SOX5: variants seen among roughly 807,000 people sequenced by gnomAD.
SOX5 encodes transcription factor SOX-5.
In SOX5, 9 loss-of-function variants were observed where a neutral mutation model predicts 92.0. That is an observed-to-expected ratio of 0.10 (90% confidence interval 0.06 to 0.17). The LOEUF (loss-of-function observed/expected upper bound fraction) is 0.17, where lower values mean the gene tolerates loss of function less well. Among genes scored for constraint, SOX5 ranks in the 10% least tolerant of loss-of-function variants. The pLI, the probability that SOX5 is intolerant of heterozygous loss-of-function variation, is 1.00. For synonymous variants in SOX5, 344 were observed against 336.3 expected, an observed-to-expected ratio of 1.02 and a Z score of -0.25; for missense variants, 642 against 944.5, an observed-to-expected ratio of 0.68 and a Z score of 4.20.
intron 3 of SOX5, among the ~76,000 whole-genome samples, chr12:23,807,926 G>A (rs999878136): frequency 6.6e-6 from 1 of 152,072 alleles, no homozygotes; most frequent in Admixed American, 6.6e-5. Flanking sequence ...GGGATTACAG[G>A]TGCAAGCCAC....
chr12:23,649,107 A>C (rs553759419), intron 7 of SOX5, among the ~76,000 whole-genome samples: 5 of 152,256 alleles, frequency 3.3e-5, no homozygotes, highest in African/African-American at 1.2e-4. Context: ...GTGAATACAA[A>C]TAAAATACCT....
intron 1 of SOX5, among the ~76,000 whole-genome samples, chr12:23,916,900 AAACT>A (rs1568955882): frequency 6.6e-6 from 1 of 152,228 alleles, no homozygotes; most frequent in Non-Finnish European, 1.5e-5. Flanking sequence ...ATCTAAAAAA[AAACT>A]AACCGTTAAA....
chr12:23,925,164 C>A (rs1250361034), intron 1 of SOX5, among the ~76,000 whole-genome samples: 1 of 152,016 alleles, frequency 6.6e-6, no homozygotes, highest in Non-Finnish European at 1.5e-5. Flanking sequence ...ACAATTATGA[C>A]CTCATAAATC....
intron 11 of SOX5, among the ~76,000 whole-genome samples, chr12:23,546,796 G>C (rs1943224903): frequency 6.6e-6 from 1 of 152,178 alleles, no homozygotes. Context: ...AAGTATAGGA[G>C]TGGCGTGAAG....
chr12:24,082,295 G>A (rs1943434122), intron 4 of SOX5, among the ~76,000 whole-genome samples: 1 of 149,776 alleles, frequency 6.7e-6, no homozygotes, highest in Non-Finnish European at 1.5e-5. Flanking sequence ...CCATGTCTGT[G>A]CCCCACAAGC....
intron 1 of SOX5, among the ~76,000 whole-genome samples, chr12:24,545,618 G>A (rs1226462199): frequency 1.3e-5 from 2 of 152,158 alleles, no homozygotes; most frequent in Admixed American, 6.5e-5. Flanking sequence ...TTTGGCATCC[G>A]CATTTTAATA....
At chr12:24,383,659 G>C (rs549609891) in intron 1 of SOX5, among the ~76,000 whole-genome samples, 2 of 152,096 alleles carry the variant, frequency 1.3e-5, no homozygotes, top group Non-Finnish European at 2.9e-5. Context: ...CCAGCGTCAT[G>C]GTATCACCAT....
chr12:24,452,635 G>A (rs1319892317), intron 1 of SOX5, among the ~76,000 whole-genome samples: 1 of 152,162 alleles, frequency 6.6e-6, no homozygotes, highest in African/African-American at 2.4e-5. Context: ...CAGGTTCAAT[G>A]TTGAAGTGTG....
intron 3 of SOX5, among the ~76,000 whole-genome samples, chr12:24,241,189 G>A (rs1385245626): frequency 6.6e-6 from 1 of 152,110 alleles, no homozygotes; most frequent in Admixed American, 6.6e-5. Flanking sequence ...TAAAAAGAAA[G>A]TGTGATACCA....
At chr12:23,628,285 A>G (rs1251810874) in intron 8 of SOX5, among the ~76,000 whole-genome samples, 1 of 152,038 alleles carries the variant, frequency 6.6e-6, no homozygotes, top group African/African-American at 2.4e-5. Flanking sequence ...CTTGGAGCAC[A>G]TATTTAAAAT....
Position 24,550,283 on chromosome 12 carries a change from G to A in SOX5, c.-251+12046C>T, listed in dbSNP as rs1200192319. ...CAGGGGCGCCATGATGGTATACCAGGGAGGAAACGATTCTTGGTGGACAGG... is the reference window on the plus strand; with the variant it reads ...CAGGGGCGCCATGATGGTATACCAGAGAGGAAACGATTCTTGGTGGACAGG... On this transcript the variant is annotated intron_variant, in intron 1 of 4. Transcript: ENST00000446891. 2.0e-5 allele frequency among the ~76,000 whole-genome samples: 3 copies of A among 152,130 alleles called. No homozygotes were observed. The East Asian group carries it at 5.8e-4, about 29-fold the overall frequency.
intron 6 of SOX5, among the ~76,000 whole-genome samples, chr12:23,704,275 A>G (rs1316026542): frequency 6.6e-6 from 1 of 151,810 alleles, no homozygotes; most frequent in East Asian, 1.9e-4. Flanking sequence ...TCATCTTTCT[A>G]TTAGTGGTGA....
At chr12:23,929,459 A>T in intron 1 of SOX5, among the ~76,000 whole-genome samples, 1 of 151,962 alleles carries the variant, frequency 6.6e-6, no homozygotes, top group East Asian at 1.9e-4. Context: ...GGGGTCTCCT[A>T]AGTATGAGTC....
chr12:24,495,265 A>G lies in SOX5; in HGVS notation c.-251+67064T>C, dbSNP rs556098763. Among the ~76,000 whole-genome samples, 204 of 152,342 alleles carry G rather than the reference A, an allele frequency of 1.3e-3. 1 individual carries two copies. The highest frequency in any genetic ancestry group is 4.8e-3 in the African/African-American group (199 of 41,576). On this transcript the variant is annotated intron_variant, in intron 1 of 4. Transcript: ENST00000446891. The stretch of plus-strand genomic sequence containing the variant: ...CCCTGCAGCACAGTATGGACCAAAT[A>G]TAAGTAAGATATGGATCCAGTGTGT...
intron 9 of SOX5, among the ~76,000 whole-genome samples, chr12:23,582,666 C>T (rs534438909): frequency 4.0e-4 from 61 of 152,212 alleles, no homozygotes; most frequent in African/African-American, 1.4e-3. Context: ...TGTGTTAATG[C>T]TACCATTAGA....
chr12:24,025,598 C>A (rs1432515005), intron 4 of SOX5, among the ~76,000 whole-genome samples: 1 of 151,972 alleles, frequency 6.6e-6, no homozygotes, highest in East Asian at 1.9e-4. Flanking sequence ...AGACTCTCTA[C>A]CCCTATCTAG....
chr12:24,397,676 A>G (rs924305502), intron 1 of SOX5, among the ~76,000 whole-genome samples: 1 of 152,110 alleles, frequency 6.6e-6, no homozygotes, highest in Non-Finnish European at 1.5e-5. Context: ...TATGAAAAAA[A>G]AAATCAACAA....
chr12:24,101,774 G>T (rs1946121623), intron 4 of SOX5, among the ~76,000 whole-genome samples: 1 of 152,076 alleles, frequency 6.6e-6, no homozygotes, highest in Non-Finnish European at 1.5e-5. Context: ...TATTAAGTTG[G>T]AAAGATTTGC....
intron 1 of SOX5, among the ~76,000 whole-genome samples, chr12:23,904,045 A>T (rs1295350899): frequency 6.6e-6 from 1 of 152,196 alleles, no homozygotes; most frequent in African/African-American, 2.4e-5. Flanking sequence ...AATTATTATT[A>T]TATCTTATAG....
Sources: gnomAD v4.1 joint callset for allele counts (sites outside exome capture counted in the v4.1 genomes callset) on GRCh38, gnomAD v4.1.1 for gene constraint, MANE v1.5 for transcripts, NCBI Gene and HGNC (gene_info 2026-07-23, HGNC 2026-07-21) for gene names.